Variants in IGF2BP2 observed in about 807,000 individuals in gnomAD.
IGF2BP2 encodes the protein insulin like growth factor 2 mRNA binding protein 2.
In IGF2BP2, 17 loss-of-function variants were observed where a neutral mutation model predicts 75.8. The ratio of observed to expected loss-of-function variants is 0.22; its 90% CI spans 0.15 to 0.34. The LOEUF (loss-of-function observed/expected upper bound fraction) is 0.34, where lower values mean the gene tolerates loss of function less well. Among genes scored for constraint, IGF2BP2 ranks in the 10% least tolerant of loss-of-function variants. IGF2BP2 has a pLI of 1.00. For synonymous variants in IGF2BP2, 288 were observed against 295.6 expected (o/e 0.97, Z 0.26); for missense variants, 516 against 772.4 (o/e 0.67, Z 3.93).
rs532360966 is a variant in IGF2BP2, at chr3:185,796,283, C to T, written c.239+26870G>A. ...TTGAAATAAGAGCTCCAGGGATAGG[C>T]GGGGCATGGTGGCTCACGCCTGTAA... On this transcript the variant is annotated intron_variant, in intron 2 of 15. Coordinates refer to ENST00000382199, the MANE Select transcript of IGF2BP2 (RefSeq NM_006548.6). 1.2e-4 allele frequency among the ~76,000 whole-genome samples: 19 copies of T among 152,042 alleles called. No homozygotes were observed. The South Asian group carries it at 1.9e-3, about 15-fold the overall frequency.
chr3:185,676,732 G>GTATATA (rs1396900593), intron 7 of IGF2BP2, among the ~76,000 whole-genome samples: 1 of 129,332 alleles, frequency 7.7e-6, no homozygotes, highest in Admixed American at 8.4e-5. Flanking sequence ...ATATGGAGAT[G>GTATATA]TATATATATA....
intron 2 of IGF2BP2, chr3:185,722,451 T>C: frequency 2.9e-6 from 1 of 339,644 alleles, no homozygotes; most frequent in Non-Finnish European, 5.7e-6. Context: ...AGATGAACTT[T>C]TATGAGGAGC....
intron 2 of IGF2BP2, among the ~76,000 whole-genome samples, chr3:185,789,649 A>G (rs1736363815): frequency 6.6e-6 from 1 of 151,468 alleles, no homozygotes; most frequent in Non-Finnish European, 1.5e-5. Flanking sequence ...TCTTCCTGAA[A>G]TCTAGTTAAG....
chr3:185,694,022 C>T (rs958558539), intron 4 of IGF2BP2, among the ~76,000 whole-genome samples: 5 of 152,160 alleles, frequency 3.3e-5, no homozygotes, highest in Non-Finnish European at 7.3e-5. Flanking sequence ...GTTAAAAATA[C>T]TGTTTGTTAA....
chr3:185,755,351 A>T (rs957194039), intron 2 of IGF2BP2, among the ~76,000 whole-genome samples: 2 of 152,178 alleles, frequency 1.3e-5, no homozygotes, highest in Admixed American at 6.5e-5. Flanking sequence ...AGGCACAGAG[A>T]GTGCAAGAAT....
At chr3:185,747,778 T>C (rs191289109) in intron 2 of IGF2BP2, among the ~76,000 whole-genome samples, 10 of 152,258 alleles carry the variant, frequency 6.6e-5, no homozygotes, top group Admixed American at 1.3e-4. Flanking sequence ...GTCCCAAACA[T>C]GGTGATCAAA....
chr3:185,785,132 C>T (rs1735696349), intron 2 of IGF2BP2, among the ~76,000 whole-genome samples: 1 of 151,858 alleles, frequency 6.6e-6, no homozygotes, highest in Admixed American at 6.6e-5. Flanking sequence ...GACACCCAGC[C>T]TCTACTAAAA....
chr3:185,786,777 T>C (rs970224568), intron 2 of IGF2BP2, among the ~76,000 whole-genome samples: 3 of 152,124 alleles, frequency 2.0e-5, no homozygotes, highest in Non-Finnish European at 4.4e-5. Context: ...ATATACATTT[T>C]TTTTCATCAA....
At chr3:185,652,291 T>TG (rs1033557967) in intron 12 of IGF2BP2, 123 bp from the exon 13 acceptor site, 1 of 731,522 alleles carries the variant, frequency 1.4e-6, no homozygotes. Context: ...CCGTTACCCC[T>TG]GGTTCTGTCT....
intron 2 of IGF2BP2, among the ~76,000 whole-genome samples, chr3:185,699,044 A>G (rs1578012918): frequency 6.6e-6 from 1 of 151,970 alleles, no homozygotes; most frequent in Non-Finnish European, 1.5e-5. Flanking sequence ...CGAACTCCTG[A>G]CCTCAAGTGA....
In IGF2BP2 at chr3:185,675,391, T is replaced by C. The variant is rs1172744121; in HGVS notation, c.976A>G (p.Thr326Ala). ...CAGGCCTCAACTGTGCCCTTCACAG[T>C]GATGGTTCTTTCCGGGTTGTATATG... ...LSIYNPERTI[T>A]VKGTVEACAS... The change falls in exon 9 of 16, where the codon ACT (threonine) becomes GCT (alanine). Residue 326 changes from threonine (T) to alanine (A), a missense_variant. By Grantham distance (58) the Thr-to-Ala change is moderately conservative. Transcript: ENST00000382199. The C allele has an allele frequency of 6.2e-7, 1 of 1,612,868 alleles. No homozygotes were observed. Among genetic ancestry groups the C allele is most frequent in the South Asian group, 1.1e-5 (1 of 90,792 alleles).
In IGF2BP2 at chr3:185,726,764, T is replaced by C. The variant is rs149804108; in HGVS notation, c.240-28417A>G. 1.3e-3 allele frequency among the ~76,000 whole-genome samples: 203 copies of C among 152,266 alleles called. 1 individual carries two copies. The highest frequency in any genetic ancestry group is 2.1e-3 in the Non-Finnish European group (146 of 68,010). The stretch of plus-strand genomic sequence containing the variant: ...GGGAAGTCCAGTTGGCTAGATTCCT[T>C]TTGTGTCAGTAACAGGTTCTTTGAT... On this transcript the variant is annotated intron_variant, in intron 2 of 15. Coordinates refer to ENST00000382199, the MANE Select transcript of IGF2BP2 (RefSeq NM_006548.6).
intron 2 of IGF2BP2, among the ~76,000 whole-genome samples, chr3:185,749,283 C>T (rs1730657629): frequency 6.6e-6 from 1 of 152,178 alleles, no homozygotes; most frequent in South Asian, 2.1e-4. Context: ...TAATTGTCTA[C>T]TAGTTTATTT....
intron 2 of IGF2BP2, among the ~76,000 whole-genome samples, chr3:185,773,494 T>C (rs1211578734): frequency 6.6e-6 from 1 of 152,226 alleles, no homozygotes; most frequent in African/African-American, 2.4e-5. Context: ...TAGGAAATTT[T>C]CCCCAGATAT....
intron 2 of IGF2BP2, among the ~76,000 whole-genome samples, chr3:185,800,266 G>A (rs944160145): frequency 2.0e-5 from 3 of 152,024 alleles, no homozygotes; most frequent in Non-Finnish European, 1.5e-5. Flanking sequence ...GTCATAGACC[G>A]GGGCCTGTCG....
chr3:185,686,384 TAAA>T (rs577060293), intron 7 of IGF2BP2, among the ~76,000 whole-genome samples: 1 of 137,406 alleles, frequency 7.3e-6, no homozygotes, highest in Non-Finnish European at 1.6e-5. Flanking sequence ...GACTCTGTCT[TAAA>T]AAAAAAAAAA....
At chr3:185,768,800 G>A (rs1381685731) in intron 2 of IGF2BP2, among the ~76,000 whole-genome samples, 1 of 152,346 alleles carries the variant, frequency 6.6e-6, no homozygotes, top group East Asian at 1.9e-4. Flanking sequence ...GGGAGGCTGA[G>A]GCGGGTGGAT....
intron 10 of IGF2BP2, among the ~76,000 whole-genome samples, chr3:185,666,744 C>T (rs946602935): frequency 2.2e-4 from 33 of 151,598 alleles, no homozygotes; most frequent in African/African-American, 8.0e-4. Context: ...TATCAATACA[C>T]ATAAAAAGAA....
rs1156461963 is a variant in IGF2BP2 at position 185,713,053 on chromosome 3, T to C, written c.240-14706A>G. Among the ~76,000 whole-genome samples, 5 of 151,978 alleles carry C rather than the reference T, an allele frequency of 3.3e-5. No homozygotes were observed. In the East Asian group the frequency reaches 9.7e-4, roughly 29 times the overall value. On this transcript the variant is annotated intron_variant, in intron 2 of 15. Transcript: ENST00000382199. ...TATGAACAGAATAGAGGGTGTTGCA[T>C]AGCCTGCCCTACAGATATGTATGTG...
Sources: allele counts gnomAD v4.1 joint callset (sites outside exome capture counted in the v4.1 genomes callset), GRCh38; gene constraint gnomAD v4.1.1; transcripts MANE v1.5; gene names NCBI Gene and HGNC (gene_info 2026-07-23, HGNC 2026-07-21).